The following ERC2 variants were observed in gnomAD, a reference collection of about 807,000 sequenced individuals.
ERC2 encodes ERC protein 2.
Under a neutral mutation model 114.8 loss-of-function variants are expected in ERC2, and 42 were observed. That is an observed-to-expected ratio of 0.37 (90% CI 0.29 to 0.47). The LOEUF (loss-of-function observed/expected upper bound fraction) is 0.47, where lower values mean the gene tolerates loss of function less well. Among genes scored for constraint, ERC2 ranks in the 20% least tolerant of loss-of-function variants. ERC2 has a pLI of 0.99. For synonymous variants in ERC2, 454 were observed against 425.5 expected (o/e 1.07, Z -0.82); for missense variants, 939 against 1,150.7 (o/e 0.82, Z 2.66).
At chr3:56,326,970 A>G (rs1338549795) in intron 2 of ERC2, among the ~76,000 whole-genome samples, 2 of 152,300 alleles carry the variant, frequency 1.3e-5, no homozygotes, top group Non-Finnish European at 1.5e-5. Flanking sequence ...ACTTATATTA[A>G]GAGCTCAAGT....
chr3:56,191,457 T>G (rs1209050021), intron 3 of ERC2, among the ~76,000 whole-genome samples: 1 of 152,160 alleles, frequency 6.6e-6, no homozygotes, highest in East Asian at 1.9e-4. Context: ...AGTTTAGGTC[T>G]TCTTCATGGT....
At chr3:55,976,706 G>T (rs948381370) in intron 12 of ERC2, among the ~76,000 whole-genome samples, 1 of 152,140 alleles carries the variant, frequency 6.6e-6, no homozygotes, top group Non-Finnish European at 1.5e-5. Context: ...AAGAGCAAAT[G>T]ATGAAAGTGA....
intron 17 of ERC2, among the ~76,000 whole-genome samples, chr3:55,594,148 A>T (rs2058030186): frequency 6.6e-6 from 1 of 152,082 alleles, no homozygotes; most frequent in Non-Finnish European, 1.5e-5. Flanking sequence ...GTCTTCTTTG[A>T]GTTCCTTACT....
At chr3:55,770,615 A>G (rs181749779) in intron 14 of ERC2, among the ~76,000 whole-genome samples, 231 of 152,170 alleles carry the variant, frequency 1.5e-3, no homozygotes, top group African/African-American at 5.3e-3. Context: ...TTGGTTTTTA[A>G]TTTTTTAATT....
intron 12 of ERC2, among the ~76,000 whole-genome samples, chr3:55,956,289 A>G (rs1245398364): frequency 6.6e-6 from 1 of 152,222 alleles, no homozygotes; most frequent in Non-Finnish European, 1.5e-5. Flanking sequence ...GAAGCATTGC[A>G]GGAAGCTCAT....
In ERC2 at chr3:56,057,184, A is replaced by T. The variant is rs150499532; in HGVS notation, c.1641+23633T>A. On this transcript the variant is annotated intron_variant, in intron 7 of 17. Coordinates refer to ENST00000288221, the MANE Select transcript of ERC2 (RefSeq NM_015576.3). ...TATTTCTAATTACAGTAAAATATAC[A>T]AGCAAGATTTACCATCTCAACCATT... Among the ~76,000 whole-genome samples, 71 of 152,304 alleles carry T rather than the reference A, an allele frequency of 4.7e-4. 1 individual carries two copies. The highest frequency in any genetic ancestry group is 4.3e-3 in the Admixed American group (65 of 15,292).
chr3:56,054,767 A>G (rs149975762), intron 7 of ERC2, among the ~76,000 whole-genome samples: 133 of 152,332 alleles, frequency 8.7e-4, no homozygotes, highest in African/African-American at 3.1e-3. Context: ...GGCATTTACA[A>G]TCAAGTTGCT....
At chr3:55,892,910 A>T (rs929088684) in intron 13 of ERC2, among the ~76,000 whole-genome samples, 2 of 152,104 alleles carry the variant, frequency 1.3e-5, no homozygotes, top group African/African-American at 4.8e-5. Flanking sequence ...CACAATTCAT[A>T]TGTTGAAATC....
At chr3:55,544,275 C>T (rs978872415) in intron 17 of ERC2, among the ~76,000 whole-genome samples, 8 of 152,144 alleles carry the variant, frequency 5.3e-5, no homozygotes, top group African/African-American at 9.7e-5. Context: ...GGCAAGTGTT[C>T]GACAGACAGA....
rs112262542 is a variant in ERC2 at position 56,329,923 on chromosome 3, A to G, written c.658-33488T>C. Among the ~76,000 whole-genome samples, 897 of 150,082 alleles carry G rather than the reference A, an allele frequency of 6.0e-3. 13 individuals carry two copies. The highest frequency in any genetic ancestry group is 0.022 in the African/African-American group (867 of 40,278). ...TATTTCAAATATTCATGTGTTTCCA[A>G]TATACATATATATTTCAAATATACA... On this transcript the variant is annotated intron_variant, in intron 2 of 17. Transcript: ENST00000288221.
At chr3:56,327,159 T>C (rs1200336954) in intron 2 of ERC2, among the ~76,000 whole-genome samples, 12 of 152,196 alleles carry the variant, frequency 7.9e-5, no homozygotes, top group Non-Finnish European at 1.5e-5. Context: ...TGCCCAAGAC[T>C]GGGTAATTTA....
At chr3:56,280,536 A>G (rs1418501381) in intron 3 of ERC2, among the ~76,000 whole-genome samples, 1 of 152,150 alleles carries the variant, frequency 6.6e-6, no homozygotes, top group East Asian at 1.9e-4. Flanking sequence ...TCCATTCTGG[A>G]CAGGCTAATC....
chr3:56,045,106 C>T (rs1340820249), intron 7 of ERC2, among the ~76,000 whole-genome samples: 2 of 152,060 alleles, frequency 1.3e-5, no homozygotes, highest in Non-Finnish European at 2.9e-5. Flanking sequence ...TCAATATAAT[C>T]TATAAAATAA....
chr3:56,278,853 T>C (rs1487817852), intron 3 of ERC2, among the ~76,000 whole-genome samples: 1 of 152,160 alleles, frequency 6.6e-6, no homozygotes, highest in Non-Finnish European at 1.5e-5. Context: ...GAGTGAGAAC[T>C]CACCCTTATA....
intron 14 of ERC2, among the ~76,000 whole-genome samples, chr3:55,859,530 TGG>T (rs1190191897): frequency 6.6e-6 from 1 of 151,986 alleles, no homozygotes; most frequent in Non-Finnish European, 1.5e-5. Flanking sequence ...GAATAACAAA[TGG>T]GCCTTCATGA....
intron 2 of ERC2, among the ~76,000 whole-genome samples, chr3:56,354,991 G>A (rs938135920): frequency 4.6e-5 from 7 of 152,192 alleles, no homozygotes; most frequent in African/African-American, 1.4e-4. Flanking sequence ...CAAATAGGGA[G>A]ATACAGAAAC....
At chr3:55,609,291 G>A (rs773659531) in intron 17 of ERC2, among the ~76,000 whole-genome samples, 1 of 152,110 alleles carries the variant, frequency 6.6e-6, no homozygotes, top group Non-Finnish European at 1.5e-5. Context: ...CAACTCAGGG[G>A]GTGTGTCCTA....
chr3:56,046,415 C>T (rs974094340), intron 7 of ERC2, among the ~76,000 whole-genome samples: 1 of 152,070 alleles, frequency 6.6e-6, no homozygotes, highest in Non-Finnish European at 1.5e-5. Context: ...GCATAGACAT[C>T]GGTGGTATTT....
chr3:55,698,146 C>T (rs1279154387), intron 16 of ERC2, among the ~76,000 whole-genome samples: 1 of 151,934 alleles, frequency 6.6e-6, no homozygotes, highest in Non-Finnish European at 1.5e-5. Flanking sequence ...CCTGTCTGTA[C>T]TTGGCTTCGG....
Sources: gnomAD v4.1 joint callset for allele counts (sites outside exome capture counted in the v4.1 genomes callset) on GRCh38, gnomAD v4.1.1 for gene constraint, MANE v1.5 for transcripts, NCBI Gene and HGNC (gene_info 2026-07-23, HGNC 2026-07-21) for gene names.